Variants in WASHC5 observed in about 807,000 individuals in gnomAD.
The protein encoded by WASHC5 is WASH complex subunit 5.
WASHC5 carries 101 observed loss-of-function variants against 150.4 expected under a neutral mutation model. That is an observed-to-expected ratio of 0.67 (90% CI 0.57 to 0.79). The LOEUF is 0.79. Ranked by LOEUF, WASHC5 falls within the 30% of genes least tolerant of loss-of-function variation. The probability of loss-of-function intolerance (pLI) is 0.00; values close to 1 mark genes in which losing one functional copy is unlikely to be tolerated. For synonymous variants in WASHC5, 467 were observed against 491.2 expected, an observed-to-expected ratio of 0.95 and a Z score of 0.65; for missense variants, 1,195 against 1,396.3, an observed-to-expected ratio of 0.86 and a Z score of 2.30.
intron 14 of WASHC5, 39 bp downstream of exon 14, chr8:125,059,183 C>G (rs975312983): frequency 8.7e-6 from 13 of 1,492,768 alleles, no homozygotes; most frequent in Non-Finnish European, 1.1e-5. Flanking sequence ...AAGGCCAACT[C>G]TTTCCTAGCA....
chr8:125,036,624 A>G (rs1815715194), intron 26 of WASHC5, among the ~76,000 whole-genome samples: 1 of 152,168 alleles, frequency 6.6e-6, no homozygotes, highest in African/African-American at 2.4e-5. Context: ...GTGAGCTGAG[A>G]TTGTGCCACT....
chr8:125,030,512 G>A (rs1406998386), intron 27 of WASHC5, among the ~76,000 whole-genome samples: 2 of 151,836 alleles, frequency 1.3e-5, no homozygotes. Flanking sequence ...ACGACATTGG[G>A]GTTTAGAAAG....
At chr8:125,091,481 C>T (rs1245167879) in intron 1 of WASHC5, 134 bp downstream of exon 1, 1 of 152,426 alleles carries the variant, frequency 6.6e-6, no homozygotes, top group Non-Finnish European at 1.5e-5. Context: ...CCAGAAAGCC[C>T]CTAAGCCCTC....
chr8:125,076,763 T>TAAAAAAAAAAAAAAA (rs1817075850), intron 6 of WASHC5, among the ~76,000 whole-genome samples: 1 of 120,952 alleles, frequency 8.3e-6, no homozygotes, highest in Non-Finnish European at 1.6e-5. Context: ...AAAAAAAAAG[T>TAAAAAAAAAAAAAAA]CCCATTCCTG....
chr8:125,077,539 T>C (rs899183175), intron 6 of WASHC5, among the ~76,000 whole-genome samples: 4 of 152,154 alleles, frequency 2.6e-5, no homozygotes, highest in Non-Finnish European at 5.9e-5. Context: ...GCTTAACCCT[T>C]GTGCTAATAA....
chr8:125,074,567 T>C (rs1816995464), intron 8 of WASHC5, among the ~76,000 whole-genome samples: 2 of 152,230 alleles, frequency 1.3e-5, no homozygotes, highest in Non-Finnish European at 2.9e-5. Context: ...TTGTTGCTTA[T>C]TTAGCACAAC....
intron 25 of WASHC5, 46 bp from the exon 26 acceptor site, chr8:125,037,379 A>G (rs1241979267): frequency 7.4e-6 from 8 of 1,084,282 alleles, no homozygotes; most frequent in African/African-American, 3.1e-5. Context: ...ATCACATTGC[A>G]CAATACCACA....
chr8:125,082,305 T>C (rs1291190410), intron 4 of WASHC5, 78 bp downstream of exon 4: 9 of 829,350 alleles, frequency 1.1e-5, no homozygotes, highest in Admixed American at 1.8e-5. Flanking sequence ...TTCGTATATA[T>C]TTGTGACTTA....
chr8:125,037,917 C>T (rs958275799), intron 25 of WASHC5, among the ~76,000 whole-genome samples: 1 of 152,148 alleles, frequency 6.6e-6, no homozygotes, highest in Non-Finnish European at 1.5e-5. Flanking sequence ...GTCCAGACTG[C>T]CAGCTGGCCG....
At chr8:125,062,395 G>A (rs985823139) in intron 11 of WASHC5, among the ~76,000 whole-genome samples, 1 of 152,200 alleles carries the variant, frequency 6.6e-6, no homozygotes, top group Non-Finnish European at 1.5e-5. Flanking sequence ...CTGAAACAAA[G>A]TTGGTATTTG....
chr8:125,084,476 A>G (rs1285796123), intron 1 of WASHC5, among the ~76,000 whole-genome samples: 1 of 152,230 alleles, frequency 6.6e-6, no homozygotes, highest in Non-Finnish European at 1.5e-5. Flanking sequence ...AGGTAAGAAC[A>G]TGTCCAAGAT....
chr8:125,063,665 A>G lies in WASHC5; in HGVS notation c.1279-14T>C, dbSNP rs530542986. 2 of 1,612,768 alleles carry G rather than the reference A, an allele frequency of 1.2e-6. No homozygotes were observed. The highest frequency in any genetic ancestry group is 2.7e-5 in the African/African-American group (2 of 75,020). On this transcript the variant is annotated splice_polypyrimidine_tract_variant and intron_variant, in intron 10 of 28. Transcript: ENST00000318410. ...TTGCTTGAACATCTGTTGAAGCAAC[A>G]GAAAATATTTATTTACTTAAGAGAA...
intron 17 of WASHC5, among the ~76,000 whole-genome samples, chr8:125,050,997 A>G (rs1452654333): frequency 6.6e-6 from 1 of 152,120 alleles, no homozygotes; most frequent in Non-Finnish European, 1.5e-5. Context: ...ATGGCCTCAC[A>G]TTCTCATTAA....
chr8:125,031,433 C>T (rs1815530943), intron 27 of WASHC5, among the ~76,000 whole-genome samples: 1 of 152,138 alleles, frequency 6.6e-6, no homozygotes, highest in Admixed American at 6.5e-5. Flanking sequence ...GCCACCACTA[C>T]ATGTGGTTAA....
chr8:125,056,950 T>C, intron 15 of WASHC5, 133 bp from the exon 16 acceptor site: 2 of 988,454 alleles, frequency 2.0e-6, no homozygotes, highest in Non-Finnish European at 3.2e-6. Flanking sequence ...TAATAACTGC[T>C]GGCAGGCACA....
At chr8:125,028,974 CCT>C (rs1266661743) in intron 27 of WASHC5, among the ~76,000 whole-genome samples, 1 of 151,994 alleles carries the variant, frequency 6.6e-6, no homozygotes, top group Non-Finnish European at 1.5e-5. Flanking sequence ...GACTCATCTC[CCT>C]CTGTTTACAT....
chr8:125,080,651 C>G (rs966548747), intron 5 of WASHC5, among the ~76,000 whole-genome samples: 3 of 152,208 alleles, frequency 2.0e-5, no homozygotes, highest in African/African-American at 7.2e-5. Context: ...TCTTGACTAT[C>G]TCCGACATTG....
At chr8:125,044,964 A>G (rs1012875822) in intron 20 of WASHC5, 1 of 469,704 alleles carries the variant, frequency 2.1e-6, no homozygotes, top group African/African-American at 2.0e-5. Flanking sequence ...TAGGGTGTTG[A>G]CTTGGAATCA....
chr8:125,054,687 TG>T (rs1816351975), intron 17 of WASHC5, among the ~76,000 whole-genome samples: 1 of 151,654 alleles, frequency 6.6e-6, no homozygotes, highest in Non-Finnish European at 1.5e-5. Context: ...GGCATGGTGG[TG>T]GGCGCCTGTA....
Sources: gnomAD v4.1 joint callset for allele counts (sites outside exome capture counted in the v4.1 genomes callset) on GRCh38, gnomAD v4.1.1 for gene constraint, MANE v1.5 for transcripts, NCBI Gene and HGNC (gene_info 2026-07-23, HGNC 2026-07-21) for gene names.